DGKB: variants seen among roughly 807,000 people sequenced by gnomAD.
DGKB encodes the protein diacylglycerol kinase beta.
Under a neutral mutation model 114.3 loss-of-function variants are expected in DGKB, and 67 were observed. The ratio of observed to expected loss-of-function variants is 0.59; its 90% CI spans 0.48 to 0.72. The LOEUF (loss-of-function observed/expected upper bound fraction) is 0.72, where lower values mean the gene tolerates loss of function less well. Among genes scored for constraint, DGKB ranks in the 30% least tolerant of loss-of-function variants. The pLI, the probability that DGKB is intolerant of heterozygous loss-of-function variation, is 0.00. For synonymous variants in DGKB, 398 were observed against 323.1 expected (o/e 1.23, Z -2.49); for missense variants, 907 against 975.2 (o/e 0.93, Z 0.93).
At chr7:14,519,476 G>A (rs192544804) in intron 20 of DGKB, among the ~76,000 whole-genome samples, 3 of 151,956 alleles carry the variant, frequency 2.0e-5, no homozygotes, top group South Asian at 2.1e-4. Context: ...CATTTTGTTT[G>A]TCCATTCACC....
chr7:14,413,870 A>G (rs899265847), intron 21 of DGKB, among the ~76,000 whole-genome samples: 1 of 152,158 alleles, frequency 6.6e-6, no homozygotes, highest in South Asian at 2.1e-4. Flanking sequence ...AAGGATATTC[A>G]CCAGAAAGAC....
intron 23 of DGKB, among the ~76,000 whole-genome samples, chr7:14,238,844 A>T (rs886452259): frequency 6.6e-6 from 1 of 151,464 alleles, no homozygotes; most frequent in Non-Finnish European, 1.5e-5. Context: ...AATACAAACT[A>T]AGGATGTTAG....
chr7:14,463,943 G>C (rs561090612), intron 21 of DGKB, among the ~76,000 whole-genome samples: 1 of 151,736 alleles, frequency 6.6e-6, no homozygotes, highest in South Asian at 2.1e-4. Context: ...GTTTACAACT[G>C]TTTATTAGGC....
At chr7:14,776,377 C>G (rs531198920) in intron 2 of DGKB, among the ~76,000 whole-genome samples, 3 of 152,302 alleles carry the variant, frequency 2.0e-5, no homozygotes, top group East Asian at 3.9e-4. Flanking sequence ...AAAATGACTC[C>G]AGGGTATGTC....
At chr7:14,455,667 C>G (rs969510299) in intron 21 of DGKB, among the ~76,000 whole-genome samples, 1 of 151,966 alleles carries the variant, frequency 6.6e-6, no homozygotes, top group African/African-American at 2.4e-5. Flanking sequence ...ATTCTCCACT[C>G]TATTAAAAGT....
intron 13 of DGKB, among the ~76,000 whole-genome samples, chr7:14,639,916 A>C (rs1811427695): frequency 6.6e-6 from 1 of 152,204 alleles, no homozygotes; most frequent in South Asian, 2.1e-4. Context: ...TTACAGTCAG[A>C]AGTTACACTA....
chr7:14,315,104 G>A (rs1429124477), intron 23 of DGKB, among the ~76,000 whole-genome samples: 1 of 147,396 alleles, frequency 6.8e-6, no homozygotes, highest in African/African-American at 2.5e-5. Flanking sequence ...TCACCACCAG[G>A]CCTGCCCTAA....
At chr7:14,322,703 A>G (rs1443802987) in intron 23 of DGKB, among the ~76,000 whole-genome samples, 2 of 152,238 alleles carry the variant, frequency 1.3e-5, no homozygotes, top group East Asian at 3.8e-4. Flanking sequence ...CAACCCATAG[A>G]GAACAAAAGA....
intron 1 of DGKB, among the ~76,000 whole-genome samples, chr7:14,935,724 C>A (rs959517780): frequency 6.6e-6 from 1 of 152,002 alleles, no homozygotes; most frequent in Non-Finnish European, 1.5e-5. Context: ...CTCTTCTCTC[C>A]TTTCCTCTCC....
At chr7:14,232,719 A>G (rs1792103111) in intron 23 of DGKB, among the ~76,000 whole-genome samples, 2 of 152,020 alleles carry the variant, frequency 1.3e-5, no homozygotes, top group Non-Finnish European at 2.9e-5. Context: ...TGTGTTACTA[A>G]TTAGAAAACA....
intron 20 of DGKB, among the ~76,000 whole-genome samples, chr7:14,562,117 G>C (rs560508330): frequency 1.3e-5 from 2 of 152,320 alleles, no homozygotes; most frequent in Admixed American, 1.3e-4. Context: ...TGGTTCCAGA[G>C]GGTGCAAGCC....
intron 23 of DGKB, among the ~76,000 whole-genome samples, chr7:14,272,717 T>C (rs1228770994): frequency 6.6e-6 from 1 of 152,150 alleles, no homozygotes; most frequent in East Asian, 1.9e-4. Context: ...AAAAAGTGAA[T>C]CCCGTAAGAA....
intron 1 of DGKB, among the ~76,000 whole-genome samples, chr7:14,962,066 G>A (rs1015816407): frequency 6.6e-6 from 1 of 151,992 alleles, no homozygotes; most frequent in Admixed American, 6.6e-5. Flanking sequence ...CCATAAAACC[G>A]TTTGTCTAAA....
At chr7:14,792,410 T>C (rs975991581) in intron 2 of DGKB, among the ~76,000 whole-genome samples, 1 of 152,148 alleles carries the variant, frequency 6.6e-6, no homozygotes, top group Non-Finnish European at 1.5e-5. Flanking sequence ...ATAATATCTC[T>C]TGGAAGCCAC....
intron 16 of DGKB, among the ~76,000 whole-genome samples, chr7:14,609,430 A>C (rs1245350495): frequency 1.3e-5 from 2 of 152,224 alleles, no homozygotes; most frequent in Non-Finnish European, 2.9e-5. Context: ...ATCCCAAGCT[A>C]TATTTCTAAA....
chr7:14,937,958 G>T (rs773739895), intron 1 of DGKB, among the ~76,000 whole-genome samples: 1 of 146,818 alleles, frequency 6.8e-6, no homozygotes, highest in Non-Finnish European at 1.5e-5. Context: ...AACAAAACAT[G>T]TGTTAGTTGA....
At chr7:14,270,038 GC>G (rs1465719688) in intron 23 of DGKB, among the ~76,000 whole-genome samples, 1 of 110,450 alleles carries the variant, frequency 9.1e-6, no homozygotes, top group Non-Finnish European at 1.7e-5. Context: ...TTATTATAAG[GC>G]TTTTTTTGCA....
At chr7:14,918,181 A>G (rs1205465966) in intron 1 of DGKB, among the ~76,000 whole-genome samples, 1 of 152,128 alleles carries the variant, frequency 6.6e-6, no homozygotes, top group Non-Finnish European at 1.5e-5. Flanking sequence ...TATTTCTAAA[A>G]TCCAAAACAA....
At chr7:14,850,779 C>A (rs906226700) in intron 1 of DGKB, among the ~76,000 whole-genome samples, 1 of 152,086 alleles carries the variant, frequency 6.6e-6, no homozygotes, top group African/African-American at 2.4e-5. Context: ...TAACTTAGAG[C>A]TACAACAATC....
Sources: gnomAD v4.1 joint callset for allele counts (sites outside exome capture counted in the v4.1 genomes callset) on GRCh38, gnomAD v4.1.1 for gene constraint, MANE v1.5 for transcripts, NCBI Gene and HGNC (gene_info 2026-07-23, HGNC 2026-07-21) for gene names.